ASIC2: variants seen among roughly 807,000 people sequenced by gnomAD.
ASIC2 encodes the protein acid-sensing ion channel 2.
ASIC2 carries 25 observed loss-of-function variants against 57.3 expected under a neutral mutation model. The ratio of observed to expected loss-of-function variants is 0.44; its 90% confidence interval spans 0.32 to 0.61. The LOEUF is 0.61. ASIC2 is among the 20% of genes least tolerant of loss of function. The pLI is 0.06. For missense variants in ASIC2, 641 were observed against 738.1 expected (o/e 0.87, Z 1.52); for synonymous variants, 319 against 307.5 (o/e 1.04, Z -0.39).
chr17:33,304,091 A>C (rs568044746), intron 1 of ASIC2, among the ~76,000 whole-genome samples: 1 of 152,370 alleles, frequency 6.6e-6, no homozygotes, highest in Admixed American at 6.5e-5. Context: ...TCACAGGTCC[A>C]GTAATAGAGG....
chr17:33,644,357 C>CT (rs1343464691), intron 1 of ASIC2, among the ~76,000 whole-genome samples: 1 of 152,178 alleles, frequency 6.6e-6, no homozygotes, highest in Non-Finnish European at 1.5e-5. Flanking sequence ...AGTTTCACTC[C>CT]TTTTCAATTT....
chr17:33,643,157 C>CCG (rs879402859), intron 1 of ASIC2, among the ~76,000 whole-genome samples: 5,292 of 145,058 alleles, frequency 0.036, 111 homozygotes, highest in South Asian at 0.087. Flanking sequence ...TCCCCCCCCC[C>CCG]ACATTTGAAC....
At chr17:33,076,786 G>A (rs1285868896) in intron 3 of ASIC2, among the ~76,000 whole-genome samples, 1 of 152,152 alleles carries the variant, frequency 6.6e-6, no homozygotes, top group Non-Finnish European at 1.5e-5. Flanking sequence ...GGGGGTGGGG[G>A]AAATGCATAG....
intron 1 of ASIC2, among the ~76,000 whole-genome samples, chr17:34,129,476 A>C (rs1020364479): frequency 6.6e-6 from 1 of 152,224 alleles, no homozygotes; most frequent in Non-Finnish European, 1.5e-5. Context: ...CACATACCAC[A>C]GGGTAGGAAC....
intron 1 of ASIC2, among the ~76,000 whole-genome samples, chr17:33,898,545 C>T (rs538896098): frequency 6.6e-6 from 1 of 152,076 alleles, no homozygotes; most frequent in Non-Finnish European, 1.5e-5. Flanking sequence ...CTCATGTATA[C>T]TCTTACCTAG....
chr17:33,068,528 T>TGAAAACAAAA (rs2092053673), intron 3 of ASIC2, among the ~76,000 whole-genome samples: 1 of 149,320 alleles, frequency 6.7e-6, no homozygotes, highest in South Asian at 2.2e-4. Flanking sequence ...AAACTCCATC[T>TGAAAACAAAA]CAAAACAAAA....
At chr17:33,311,898 A>G (rs888234082) in intron 1 of ASIC2, among the ~76,000 whole-genome samples, 1 of 152,112 alleles carries the variant, frequency 6.6e-6, no homozygotes, top group African/African-American at 2.4e-5. Flanking sequence ...AAATGGCTCC[A>G]CCATCAGCAA....
At chr17:33,194,419 C>T (rs1326537625) in intron 1 of ASIC2, among the ~76,000 whole-genome samples, 1 of 152,078 alleles carries the variant, frequency 6.6e-6, no homozygotes, top group Non-Finnish European at 1.5e-5. Flanking sequence ...TTGTGATGAT[C>T]AAATGACAGG....
intron 1 of ASIC2, among the ~76,000 whole-genome samples, chr17:34,084,448 C>T (rs199947798): frequency 6.8e-6 from 1 of 146,490 alleles, no homozygotes; most frequent in South Asian, 2.1e-4. Context: ...GTTACTGTAG[C>T]CTTGTAGTAT....
At chr17:33,998,939 T>G (rs1227852208) in intron 1 of ASIC2, among the ~76,000 whole-genome samples, 1 of 152,190 alleles carries the variant, frequency 6.6e-6, no homozygotes, top group African/African-American at 2.4e-5. Context: ...GTCTTCATGA[T>G]CTATCCATTT....
At chr17:34,031,205 A>G (rs1907595883) in intron 1 of ASIC2, among the ~76,000 whole-genome samples, 1 of 152,190 alleles carries the variant, frequency 6.6e-6, no homozygotes, top group Non-Finnish European at 1.5e-5. Context: ...GCGGTTCACC[A>G]ATATCTGCTG....
intron 1 of ASIC2, among the ~76,000 whole-genome samples, chr17:33,597,685 T>C (rs1905022339): frequency 6.6e-6 from 1 of 152,202 alleles, no homozygotes; most frequent in Non-Finnish European, 1.5e-5. Flanking sequence ...GAATCAGCGA[T>C]GGAAGAGACT....
At chr17:33,775,990 G>A (rs111661982) in intron 1 of ASIC2, among the ~76,000 whole-genome samples, 6,359 of 152,068 alleles carry the variant, frequency 0.042, 286 homozygotes, top group African/African-American at 0.12. Context: ...AAAATTAGCC[G>A]GGTGTGGTGG....
At chr17:33,992,357 A>G (rs1906024868) in intron 1 of ASIC2, among the ~76,000 whole-genome samples, 1 of 152,180 alleles carries the variant, frequency 6.6e-6, no homozygotes, top group Non-Finnish European at 1.5e-5. Context: ...GAAAAACAAA[A>G]GGGGACACCT....
intron 1 of ASIC2, among the ~76,000 whole-genome samples, chr17:33,607,274 G>T (rs529953060): frequency 6.6e-6 from 1 of 152,254 alleles, no homozygotes; most frequent in South Asian, 2.1e-4. Context: ...CCTCCTGGGG[G>T]AACGTGAGCA....
intron 1 of ASIC2, among the ~76,000 whole-genome samples, chr17:33,251,642 C>G: frequency 6.6e-6 from 1 of 152,250 alleles, no homozygotes; most frequent in Admixed American, 6.5e-5. Flanking sequence ...TACCATCTTA[C>G]AGTTTATTTT....
chr17:33,246,728 T>G (rs1253303879), intron 1 of ASIC2, among the ~76,000 whole-genome samples: 1 of 152,250 alleles, frequency 6.6e-6, no homozygotes, highest in Non-Finnish European at 1.5e-5. Flanking sequence ...TTGACATACG[T>G]TATCCCATTT....
intron 1 of ASIC2, among the ~76,000 whole-genome samples, chr17:33,745,514 C>A (rs1361273083): frequency 2.0e-4 from 27 of 135,972 alleles, no homozygotes; most frequent in South Asian, 4.8e-4. Flanking sequence ...AAGTCAAAGT[C>A]AAAAAAAAAA....
At chr17:33,638,479 G>A (rs1217753551) in intron 1 of ASIC2, among the ~76,000 whole-genome samples, 1 of 152,166 alleles carries the variant, frequency 6.6e-6, no homozygotes, top group Non-Finnish European at 1.5e-5. Flanking sequence ...TGCTCTGATC[G>A]ATGAGTGTTG....
Sources: gnomAD v4.1 joint callset for allele counts (sites outside exome capture counted in the v4.1 genomes callset) on GRCh38, gnomAD v4.1.1 for gene constraint, MANE v1.5 for transcripts, NCBI Gene and HGNC (gene_info 2026-07-23, HGNC 2026-07-21) for gene names.